The following RIMBP2 variants were observed in gnomAD, a reference collection of about 807,000 sequenced individuals.
RIMBP2 encodes RIMS binding protein 2, also known as RIMS-binding protein 2.
A neutral mutation model predicts 118.6 loss-of-function variants in RIMBP2; 48 were observed. That is an observed-to-expected ratio of 0.40 (90% CI 0.32 to 0.51). The LOEUF is 0.51. RIMBP2 is among the 20% of genes least tolerant of loss of function. RIMBP2 has a pLI of 0.41. For synonymous variants in RIMBP2, 762 were observed against 742.9 expected, an observed-to-expected ratio of 1.03 and a Z score of -0.42; for missense variants, 1,551 against 1,768.3, an observed-to-expected ratio of 0.88 and a Z score of 2.20.
chr12:130,470,564 T>G, intron 6 of RIMBP2, 129 bp downstream of exon 6: 1 of 454,314 alleles, frequency 2.2e-6, no homozygotes, highest in East Asian at 3.5e-5. Flanking sequence ...AGAAGACACA[T>G]GAATGGCATC....
At chr12:130,546,099 T>TC (rs991477373) in intron 2 of RIMBP2, among the ~76,000 whole-genome samples, 4 of 139,048 alleles carry the variant, frequency 2.9e-5, no homozygotes, top group Non-Finnish European at 6.1e-5. Context: ...CACTGCTTCT[T>TC]TTTTTTTTTT....
At chr12:130,565,803 A>G (rs1566273351) in intron 2 of RIMBP2, among the ~76,000 whole-genome samples, 1 of 152,230 alleles carries the variant, frequency 6.6e-6, no homozygotes, top group Non-Finnish European at 1.5e-5. Context: ...TTAACGAAAT[A>G]AATAGAAAGC....
At chr12:130,510,908 G>C (rs1303123670) in intron 3 of RIMBP2, among the ~76,000 whole-genome samples, 1 of 152,136 alleles carries the variant, frequency 6.6e-6, no homozygotes, top group Non-Finnish European at 1.5e-5. Flanking sequence ...AAGGAGGAGA[G>C]GGTGTGTGGA....
chr12:130,445,199 A>G lies in RIMBP2; in HGVS notation c.652T>C (p.Tyr218His). The G allele has an allele frequency of 1.2e-6, 2 of 1,613,242 alleles. No individual in the cohort carries two copies. Among genetic ancestry groups the G allele is most frequent in the Non-Finnish European group, 1.7e-6 (2 of 1,179,640 alleles). The part of the protein sequence containing the change: ...ELPLTAGKYL[Y>H]VYGDMDEDGF... The stretch of plus-strand genomic sequence containing the variant: ...TCCTCATCCATGTCTCCATAGACGT[A>G]GAGGTATTTTCCCGCCGTGAGGGGC... Residue 218 changes from tyrosine to histidine, a missense_variant, in exon 10 of 23, where the codon TAC (tyrosine) becomes CAC (histidine). By Grantham distance (83) the Tyr-to-His change is moderately conservative. Coordinates refer to ENST00000690449, the MANE Select transcript of RIMBP2 (RefSeq NM_001393629.1).
intron 1 of RIMBP2, among the ~76,000 whole-genome samples, chr12:130,638,435 G>T (rs191457559): frequency 2.0e-5 from 3 of 152,200 alleles, no homozygotes; most frequent in Non-Finnish European, 4.4e-5. Flanking sequence ...CCCGAGCTGC[G>T]GGCTAGTAAA....
chr12:130,672,554 T>C (rs6486564), intron 1 of RIMBP2, among the ~76,000 whole-genome samples: 47,431 of 152,122 alleles, frequency 0.31, 7,833 homozygotes, highest in Non-Finnish European at 0.39. Context: ...AGCATCTCTA[T>C]GTGCAGATGA....
At chr12:130,507,280 G>A (rs1325496170) in intron 3 of RIMBP2, among the ~76,000 whole-genome samples, 3 of 152,216 alleles carry the variant, frequency 2.0e-5, no homozygotes, top group Non-Finnish European at 4.4e-5. Flanking sequence ...GAGAGATGCA[G>A]AGGGAAAAGC....
intron 7 of RIMBP2, among the ~76,000 whole-genome samples, chr12:130,452,821 G>A (rs886403381): frequency 6.6e-6 from 1 of 152,180 alleles, no homozygotes; most frequent in African/African-American, 2.4e-5. Context: ...AGCAGGGGAC[G>A]GCACAGCTGA....
At chr12:130,538,019 C>A (rs1338509031) in intron 2 of RIMBP2, among the ~76,000 whole-genome samples, 1 of 152,086 alleles carries the variant, frequency 6.6e-6, no homozygotes, top group Non-Finnish European at 1.5e-5. Context: ...ACTCCAAAAA[C>A]TGACAAAAGC....
In RIMBP2 at chr12:130,422,465, C is replaced by A. The variant is rs948504903; in HGVS notation, c.3226G>T (p.Val1076Phe). The change falls in exon 17 of 23, where the codon GTC (valine) becomes TTC (phenylalanine). Residue 1076 changes from valine (V) to phenylalanine (F), a missense_variant. Around this residue, in one of 5 missense-constraint regions of RIMBP2, gnomAD observed 1,038 missense variants for 1,125.1 expected, o/e 0.92. Coordinates refer to ENST00000690449, the MANE Select transcript of RIMBP2 (RefSeq NM_001393629.1). This position sits in a 1 kb window ranked among gnomAD's most constrained non-coding sequence, Gnocchi z 5.2. The stretch of plus-strand genomic sequence containing the variant: ...TGGGGCCACTAACCGATGGATGGGA[C>A]TGTCACGGGCCGGGACCTCTGAGGA... ...AGPQRSRPVT[V>F]PSIDDYGRDR... 2.5e-6 allele frequency: 4 copies of A among 1,609,754 alleles called. No individual in the cohort carries two copies. Among genetic ancestry groups the A allele is most frequent in the Admixed American group, 1.7e-5 (1 of 59,916 alleles).
intron 11 of RIMBP2, among the ~76,000 whole-genome samples, chr12:130,440,988 A>AACTTTGAGATGGAGAGAT (rs2078072278): frequency 6.6e-6 from 1 of 152,028 alleles, no homozygotes; most frequent in African/African-American, 2.4e-5. Context: ...CCTCCCTACC[A>AACTTTGAGATGGAGAGAT]TCTCCCCAGG....
chr12:130,559,905 C>A (rs1262651608), intron 2 of RIMBP2, among the ~76,000 whole-genome samples: 1 of 152,230 alleles, frequency 6.6e-6, no homozygotes. Context: ...AACGGTAACA[C>A]CTGCCTCGAA....
intron 4 of RIMBP2, among the ~76,000 whole-genome samples, chr12:130,500,834 A>G (rs1190601588): frequency 6.6e-6 from 1 of 152,068 alleles, no homozygotes; most frequent in Non-Finnish European, 1.5e-5. Context: ...GGATTTGGGA[A>G]CAAAGGCCGT....
intron 2 of RIMBP2, among the ~76,000 whole-genome samples, chr12:130,534,998 C>A (rs192954801): frequency 6.6e-6 from 1 of 152,182 alleles, no homozygotes; most frequent in African/African-American, 2.4e-5. Flanking sequence ...CCCCACCTGA[C>A]GATGCTGGTG....
chr12:130,644,971 G>C (rs2141049210), intron 1 of RIMBP2, among the ~76,000 whole-genome samples: 1 of 152,340 alleles, frequency 6.6e-6, no homozygotes, highest in African/African-American at 2.4e-5. Context: ...CCAGCGCCTA[G>C]TCTCTCAAAC....
chr12:130,533,473 A>G (rs978349455), intron 2 of RIMBP2, among the ~76,000 whole-genome samples: 4 of 152,224 alleles, frequency 2.6e-5, no homozygotes, highest in Non-Finnish European at 5.9e-5. Flanking sequence ...AATTAGTATA[A>G]CCTTTACAGA....
At chr12:130,630,211 C>A (rs985650296) in intron 1 of RIMBP2, among the ~76,000 whole-genome samples, 3 of 151,590 alleles carry the variant, frequency 2.0e-5, no homozygotes, top group Admixed American at 6.6e-5. Context: ...TAACTTTTAC[C>A]AATAAGGTTT....
chr12:130,585,116 C>T (rs2058797994), intron 2 of RIMBP2, among the ~76,000 whole-genome samples: 1 of 152,142 alleles, frequency 6.6e-6, no homozygotes, highest in Non-Finnish European at 1.5e-5. Flanking sequence ...TCTCGAACTC[C>T]TGGGCTCAAG....
At chr12:130,425,478 CAG>C (rs1421726338) in intron 15 of RIMBP2, 1 of 152,442 alleles carries the variant, frequency 6.6e-6, no homozygotes, top group African/African-American at 2.4e-5. Flanking sequence ...CACCATCGTG[CAG>C]AGTCTGTGTC....
Sources: allele counts gnomAD v4.1 joint callset (sites outside exome capture counted in the v4.1 genomes callset), GRCh38; gene constraint gnomAD v4.1.1; regional missense constraint gnomAD v4.1.1; non-coding constraint Gnocchi (gnomAD v3.1); transcripts MANE v1.5; gene names NCBI Gene and HGNC (gene_info 2026-07-23, HGNC 2026-07-21).